Variants in CYFIP1 observed in about 807,000 individuals in gnomAD.
CYFIP1 encodes cytoplasmic FMR1 interacting protein 1, also known as cytoplasmic FMR1-interacting protein 1.
In CYFIP1, 58 loss-of-function variants were observed where a neutral mutation model predicts 163.5. The observed-to-expected ratio is 0.35, with a 90% confidence interval of 0.29 to 0.44. CYFIP1 has a LOEUF of 0.44. Ranked by LOEUF, CYFIP1 falls within the 20% of genes least tolerant of loss-of-function variation. CYFIP1 has a pLI of 1.00. For synonymous variants in CYFIP1, 663 were observed against 660.7 expected, an observed-to-expected ratio of 1.00 and a Z score of -0.05; for missense variants, 1,338 against 1,653.8, an observed-to-expected ratio of 0.81 and a Z score of 3.31.
At chr15:22,904,606 T>C (rs2060509816) in intron 21 of CYFIP1, 1 of 152,316 alleles carries the variant, frequency 6.6e-6, no homozygotes, top group Admixed American at 6.5e-5. Context: ...CTTCACCTAT[T>C]TCCTTTTCTA....
chr15:22,872,064 T>C (rs1333427998), intron 30 of CYFIP1, among the ~76,000 whole-genome samples: 1 of 152,000 alleles, frequency 6.6e-6, no homozygotes, highest in Non-Finnish European at 1.5e-5. Context: ...CGGATCACCT[T>C]ATGTCAGGAG....
chr15:22,929,603 G>A (rs975934072), intron 11 of CYFIP1, among the ~76,000 whole-genome samples: 2 of 125,384 alleles, frequency 1.6e-5, no homozygotes, highest in African/African-American at 3.0e-5. Context: ...TTGCACTCCA[G>A]CCTGGGCAAC....
rs114431822 is a variant in CYFIP1 at position 22,925,946 on chromosome 15, C to G, written c.1359+36G>C. 56 of 1,603,616 alleles carry G rather than the reference C, an allele frequency of 3.5e-5. 1 individual carries two copies. Among genetic ancestry groups the G allele is most frequent in the Non-Finnish European group, 4.7e-5 (55 of 1,172,000 alleles). On this transcript the variant is annotated intron_variant, in intron 13 of 30. Coordinates refer to ENST00000617928, the MANE Select transcript of CYFIP1 (RefSeq NM_014608.6). Reference sequence around the variant, plus strand: ...CAGAGAAGATGGTGTGAAGCTAGAGCGACATGAGGAAGAGCGAGCGGCCGA... The same window carrying G: ...CAGAGAAGATGGTGTGAAGCTAGAGGGACATGAGGAAGAGCGAGCGGCCGA...
chr15:22,968,249 T>G (rs1381432163), intron 1 of CYFIP1, among the ~76,000 whole-genome samples: 1 of 152,204 alleles, frequency 6.6e-6, no homozygotes, highest in African/African-American at 2.4e-5. Context: ...TGGTACCCAG[T>G]TTTTGGTCCA....
At chr15:22,941,013 G>C (rs2061877055) in intron 6 of CYFIP1, among the ~76,000 whole-genome samples, 1 of 152,140 alleles carries the variant, frequency 6.6e-6, no homozygotes, top group African/African-American at 2.4e-5. Context: ...CCGCACTCCA[G>C]CCTGGGCCAG....
chr15:22,947,981 C>T (rs1051957425), intron 1 of CYFIP1: 1 of 985,572 alleles, frequency 1.0e-6, no homozygotes, highest in South Asian at 4.7e-5. Flanking sequence ...CAAGGGTACT[C>T]AGGAGGAGCT....
chr15:22,878,643 A>G (rs1434075729), intron 26 of CYFIP1, among the ~76,000 whole-genome samples: 2 of 151,792 alleles, frequency 1.3e-5, no homozygotes, highest in African/African-American at 2.4e-5. Context: ...CTTCAAAAAG[A>G]TACTGAAAGT....
intron 21 of CYFIP1, among the ~76,000 whole-genome samples, chr15:22,907,884 T>G (rs2060638130): frequency 6.6e-6 from 1 of 152,222 alleles, no homozygotes; most frequent in African/African-American, 2.4e-5. Context: ...CTGTCCACGT[T>G]AAGGTCTTTC....
chr15:22,894,010 A>G (rs1355738470), intron 22 of CYFIP1, among the ~76,000 whole-genome samples: 1 of 152,132 alleles, frequency 6.6e-6, no homozygotes, highest in African/African-American at 2.4e-5. Flanking sequence ...TGATGCTCAG[A>G]AAAGGGAACC....
intron 21 of CYFIP1, chr15:22,905,320 G>A (rs975781301): frequency 1.3e-5 from 2 of 152,072 alleles, no homozygotes; most frequent in Admixed American, 6.5e-5. Context: ...TCTTGAAATA[G>A]ATGCCAGTCG....
At chr15:22,923,694 G>A (rs1304085207) in intron 13 of CYFIP1, among the ~76,000 whole-genome samples, 1 of 152,118 alleles carries the variant, frequency 6.6e-6, no homozygotes, top group African/African-American at 2.4e-5. Context: ...TCTAATCCCA[G>A]TGCTTTGGGA....
In CYFIP1 at chr15:22,923,942, CAAAAAAAAAAAAA is replaced by C. The variant is rs916058496; in HGVS notation, c.1359+2027_1359+2039del. ...GGGTGACAGAGTGAGACCTTGTCTC[CAAAAAAAAAAAAA>C]AAAAAAAAAACAAGAAAAAGAAGTT... On this transcript the variant is annotated intron_variant, in intron 13 of 30. Transcript: ENST00000617928. Among the ~76,000 whole-genome samples the C allele has an allele frequency of 2.4e-4, 15 of 61,800 alleles. No homozygotes were observed. The Admixed American group carries it at 3.3e-3, about 14-fold the overall frequency. 40.5% of individuals were successfully genotyped at this position (61,800 alleles called of 152,430 possible).
chr15:22,954,771 A>G (rs1156636817), intron 1 of CYFIP1, among the ~76,000 whole-genome samples: 1 of 152,204 alleles, frequency 6.6e-6, no homozygotes, highest in Admixed American at 6.5e-5. Context: ...CTGCTGTTTT[A>G]ATAAGCCATC....
chr15:22,919,414 T>C (rs910888675), intron 13 of CYFIP1, among the ~76,000 whole-genome samples: 2 of 152,220 alleles, frequency 1.3e-5, no homozygotes, highest in Admixed American at 6.5e-5. Flanking sequence ...TTTATTACTT[T>C]CTGAATAAAC....
intron 1 of CYFIP1, among the ~76,000 whole-genome samples, chr15:22,969,045 G>A (rs1026424531): frequency 6.6e-6 from 1 of 152,134 alleles, no homozygotes; most frequent in Non-Finnish European, 1.5e-5. Flanking sequence ...TGACTGCAAG[G>A]AGTGACCACA....
intron 4 of CYFIP1, 27 bp downstream of exon 4, chr15:22,944,835 A>T: frequency 6.4e-7 from 1 of 1,568,700 alleles, no homozygotes; most frequent in Non-Finnish European, 8.6e-7. Context: ...GTGTGGCTGG[A>T]GGGGAAGAGC....
In CYFIP1 at chr15:22,964,142, G is replaced by T. The variant is rs112188447; in HGVS notation, c.-7+16145C>A. On this transcript the variant is annotated intron_variant, in intron 1 of 30. Transcript: ENST00000617928. ...GGTTAAATCGAGCTATTACGCATAT[G>T]TATCACTTCACATACTTTTTTTTTT... Among the ~76,000 whole-genome samples the T allele has an allele frequency of 1.0e-3, 155 of 148,266 alleles. 1 individual carries two copies. Among genetic ancestry groups the T allele is most frequent in the Middle Eastern group, 3.5e-3 (1 of 286 alleles).
intron 21 of CYFIP1, among the ~76,000 whole-genome samples, chr15:22,906,506 C>A (rs994820756): frequency 2.0e-5 from 3 of 148,512 alleles, no homozygotes; most frequent in Middle Eastern, 3.4e-3. Flanking sequence ...CGCTCTGTTG[C>A]CCAGGCTGGA....
At chr15:22,948,700 C>T (rs1238051611) in intron 1 of CYFIP1, among the ~76,000 whole-genome samples, 3 of 151,636 alleles carry the variant, frequency 2.0e-5, no homozygotes, top group South Asian at 4.2e-4. Flanking sequence ...ACGATTGTAA[C>T]ACTCCCAAAC....
Sources: gnomAD v4.1 joint callset for allele counts (sites outside exome capture counted in the v4.1 genomes callset) on GRCh38, gnomAD v4.1.1 for gene constraint, MANE v1.5 for transcripts, NCBI Gene and HGNC (gene_info 2026-07-23, HGNC 2026-07-21) for gene names.